Variants in ARFGEF1 observed in about 807,000 individuals in gnomAD.
ARFGEF1 encodes the protein ARF guanine nucleotide exchange factor 1.
Under a neutral mutation model 231.0 loss-of-function variants are expected in ARFGEF1, and 42 were observed. The ratio of observed to expected loss-of-function variants is 0.18; its 90% confidence interval spans 0.14 to 0.24. ARFGEF1 has a LOEUF of 0.24. Among genes scored for constraint, ARFGEF1 ranks in the 10% least tolerant of loss-of-function variants. The probability of loss-of-function intolerance (pLI) is 1.00; values close to 1 mark genes in which losing one functional copy is unlikely to be tolerated. For synonymous variants in ARFGEF1, 710 were observed against 732.3 expected, an observed-to-expected ratio of 0.97 and a Z score of 0.49; for missense variants, 1,345 against 2,192.0, an observed-to-expected ratio of 0.61 and a Z score of 7.72.
chr8:67,176,740 A>G (rs1248191733), intron 5 of ARFGEF1, among the ~76,000 whole-genome samples: 1 of 152,066 alleles, frequency 6.6e-6, no homozygotes, highest in Non-Finnish European at 1.5e-5. Context: ...CCACTCCCCA[A>G]CTTCCAGTAG....
intron 4 of ARFGEF1, among the ~76,000 whole-genome samples, chr8:67,297,364 CTGT>C (rs766915163): frequency 3.9e-5 from 6 of 152,102 alleles, no homozygotes; most frequent in Admixed American, 1.3e-4. Flanking sequence ...AATAGCTGTG[CTGT>C]TGTTGTTATT....
rs1429767955 is a variant in ARFGEF1 at position 67,227,966 on chromosome 8, A to G, written c.3588T>C (p.Asn1196=). 6.4e-7 allele frequency: 1 copy of G among 1,565,824 alleles called. No homozygotes were observed. Among genetic ancestry groups the G allele is most frequent in the East Asian group, 2.3e-5 (1 of 44,230 alleles). ...RIWEVIGDHF[N]KVGCNPNEDV... ...AACACCATAGTTATTCAAATACCTT[A>G]TTAAAATGATCTCCAATAACTTCCC... The change falls in exon 25 of 39, where the codon AAT becomes AAC. Residue 1196 remains asparagine (N), a synonymous_variant. Coordinates refer to ENST00000262215, the MANE Select transcript of ARFGEF1 (RefSeq NM_006421.5).
At chr8:67,250,905 C>G (rs1378699132) in intron 19 of ARFGEF1, among the ~76,000 whole-genome samples, 3 of 152,202 alleles carry the variant, frequency 2.0e-5, no homozygotes, top group African/African-American at 7.2e-5. Context: ...CAGGCATATT[C>G]AGAAGCCTGA....
intron 1 of ARFGEF1, among the ~76,000 whole-genome samples, chr8:67,306,121 G>A (rs999628666): frequency 5.9e-5 from 9 of 152,244 alleles, no homozygotes; most frequent in Non-Finnish European, 8.8e-5. Context: ...TCTCTTTGGC[G>A]TATCTGAATT....
chr8:67,299,563 T>G (rs548634732), intron 3 of ARFGEF1, among the ~76,000 whole-genome samples: 1 of 152,316 alleles, frequency 6.6e-6, no homozygotes, highest in Non-Finnish European at 1.5e-5. Flanking sequence ...CTTGTAATAA[T>G]CACAAAAACA....
In ARFGEF1 at chr8:67,290,834, C is replaced by T. The variant is rs1185915820; in HGVS notation, c.916+1013G>A. Reference sequence around the variant, plus strand: ...TCAGTACTATGAATGCTTAGCTTATCGAAGTCATCCTTTTTAAAACAAATA... The same window carrying T: ...TCAGTACTATGAATGCTTAGCTTATTGAAGTCATCCTTTTTAAAACAAATA... On this transcript the variant is annotated intron_variant, in intron 6 of 38. Transcript: ENST00000262215. Among the ~76,000 whole-genome samples, 5 of 152,078 alleles carry T rather than the reference C, an allele frequency of 3.3e-5. No individual in the cohort carries two copies. In the East Asian group the frequency reaches 5.8e-4, roughly 18 times the overall value.
chr8:67,201,106 C>T (rs1035239093), intron 37 of ARFGEF1, among the ~76,000 whole-genome samples: 7 of 152,122 alleles, frequency 4.6e-5, no homozygotes, highest in African/African-American at 7.2e-5. Context: ...AAAAAAGTAA[C>T]GCTAAGAAAA....
At chr8:67,324,279 TGA>T (rs1807729324) in intron 1 of ARFGEF1, among the ~76,000 whole-genome samples, 1 of 152,162 alleles carries the variant, frequency 6.6e-6, no homozygotes, top group Non-Finnish European at 1.5e-5. Flanking sequence ...GGCAACTGAG[TGA>T]GACTCTGTCT....
chr8:67,252,562 T>C (rs1208083415), intron 18 of ARFGEF1, among the ~76,000 whole-genome samples: 2 of 152,184 alleles, frequency 1.3e-5, no homozygotes, highest in Non-Finnish European at 1.5e-5. Context: ...CTGTTTAAAC[T>C]TGAGATTTTA....
chr8:67,299,168 T>C, intron 4 of ARFGEF1, 41 bp downstream of exon 4: 6 of 1,468,714 alleles, frequency 4.1e-6, no homozygotes, highest in Non-Finnish European at 5.4e-6. Context: ...ATTTTGAAGA[T>C]ACAGATTATT....
chr8:67,182,666 G>T (rs552141530), intron 5 of ARFGEF1, among the ~76,000 whole-genome samples: 1 of 152,158 alleles, frequency 6.6e-6, no homozygotes, highest in Non-Finnish European at 1.5e-5. Flanking sequence ...TTTTTGAATA[G>T]TAGCAATCCT....
chr8:67,267,961 T>A (rs1323499909), intron 10 of ARFGEF1, among the ~76,000 whole-genome samples: 1 of 152,188 alleles, frequency 6.6e-6, no homozygotes, highest in Non-Finnish European at 1.5e-5. Context: ...TCTCTACTGT[T>A]TGAAAACTAC....
At chr8:67,257,655 A>G (rs1840504136) in intron 17 of ARFGEF1, 77 bp downstream of exon 17, 2 of 1,174,346 alleles carry the variant, frequency 1.7e-6, no homozygotes, top group Non-Finnish European at 2.5e-6. Context: ...TAAAATTTCA[A>G]CTATTACTTA....
At chr8:67,231,536 C>T (rs972770613) in intron 23 of ARFGEF1, among the ~76,000 whole-genome samples, 2 of 152,004 alleles carry the variant, frequency 1.3e-5, no homozygotes, top group East Asian at 3.8e-4. Flanking sequence ...ATATAAAGTA[C>T]ATTATAAAAG....
intron 23 of ARFGEF1, among the ~76,000 whole-genome samples, chr8:67,232,357 G>A (rs571932953): frequency 1.3e-5 from 2 of 151,984 alleles, no homozygotes; most frequent in South Asian, 4.1e-4. Context: ...CATACCATGG[G>A]TTTTCTTTTA....
chr8:67,273,419 CAAAAAAAAAAAA>C (rs58580002), intron 9 of ARFGEF1, among the ~76,000 whole-genome samples: 3,646 of 56,694 alleles, frequency 0.064, 103 homozygotes, highest in Middle Eastern at 0.14. Context: ...TTTTTTTTCC[CAAAAAAAAAAAA>C]AAAAAAAAAA....
chr8:67,319,748 G>T (rs1807492257), intron 1 of ARFGEF1, among the ~76,000 whole-genome samples: 1 of 152,024 alleles, frequency 6.6e-6, no homozygotes, highest in Non-Finnish European at 1.5e-5. Context: ...AATGTTAAGA[G>T]AATAAAAGGT....
In ARFGEF1 at chr8:67,199,066, G is replaced by C. The variant is rs1838215971; in HGVS notation, c.5418C>G (p.Leu1806=). 6.2e-7 allele frequency: 1 copy of C among 1,611,788 alleles called. No individual in the cohort carries two copies. Among genetic ancestry groups the C allele is most frequent in the Non-Finnish European group, 8.5e-7 (1 of 1,179,490 alleles). Residue 1806 remains leucine (L), a synonymous_variant, in exon 39 of 39, where the codon CTC becomes CTG. Coordinates refer to ENST00000262215, the MANE Select transcript of ARFGEF1 (RefSeq NM_006421.5). ...FKAHASFYYP[L]LCEIMQFDLI... is the part of the protein sequence containing the mutation. ...AGTCAAATTGCATAATTTCACATAA[G>C]AGAGGGTAGTAGAATGATGCATGAG...
At chr8:67,330,936 T>TTA (rs1808071206) in intron 1 of ARFGEF1, among the ~76,000 whole-genome samples, 1 of 152,162 alleles carries the variant, frequency 6.6e-6, no homozygotes, top group South Asian at 2.1e-4. Context: ...ATAACACTTT[T>TTA]TATCTAATGT....
Sources: allele counts gnomAD v4.1 joint callset (sites outside exome capture counted in the v4.1 genomes callset), GRCh38; gene constraint gnomAD v4.1.1; transcripts MANE v1.5; gene names NCBI Gene and HGNC (gene_info 2026-07-23, HGNC 2026-07-21).